Variants in PITPNC1 observed in about 807,000 individuals in gnomAD.
PITPNC1 encodes the protein phosphatidylinositol transfer protein cytoplasmic 1.
Under a neutral mutation model 44.7 loss-of-function variants are expected in PITPNC1, and 18 were observed. That is an observed-to-expected ratio of 0.40 (90% CI 0.28 to 0.60). The LOEUF (loss-of-function observed/expected upper bound fraction) is 0.60, where lower values mean the gene tolerates loss of function less well. PITPNC1 is among the 20% of genes least tolerant of loss of function. The probability of loss-of-function intolerance (pLI) is 0.39; values close to 1 mark genes in which losing one functional copy is unlikely to be tolerated. For synonymous variants in PITPNC1, 141 were observed against 149.6 expected (o/e 0.94, Z 0.42); for missense variants, 290 against 418.4 (o/e 0.69, Z 2.68).
At chr17:67,451,629 C>T (rs1289505085) in intron 1 of PITPNC1, among the ~76,000 whole-genome samples, 1 of 143,428 alleles carries the variant, frequency 7.0e-6, no homozygotes, top group Admixed American at 7.0e-5. Flanking sequence ...TGAGACTGAC[C>T]TTTTTTTTTT....
At chr17:67,549,205 G>GGATTA (rs2040724498) in intron 2 of PITPNC1, among the ~76,000 whole-genome samples, 1 of 152,102 alleles carries the variant, frequency 6.6e-6, no homozygotes, top group Non-Finnish European at 1.5e-5. Context: ...AGTAATCCCA[G>GGATTA]CACTTTAGGA....
intron 1 of PITPNC1, among the ~76,000 whole-genome samples, chr17:67,523,067 C>T (rs562157325): frequency 6.6e-6 from 1 of 152,030 alleles, no homozygotes; most frequent in Non-Finnish European, 1.5e-5. Context: ...GCTTTTTTAC[C>T]ATCCTAAACT....
chr17:67,657,990 T>A (rs2042292628), intron 6 of PITPNC1, among the ~76,000 whole-genome samples: 1 of 152,226 alleles, frequency 6.6e-6, no homozygotes, highest in Non-Finnish European at 1.5e-5. Flanking sequence ...CAGCTGTCAT[T>A]GACTGAAGAA....
intron 4 of PITPNC1, among the ~76,000 whole-genome samples, chr17:67,553,985 C>T (rs2040801288): frequency 6.6e-6 from 1 of 152,278 alleles, no homozygotes; most frequent in Non-Finnish European, 1.5e-5. Context: ...GGGGCTTTTA[C>T]TCATGGACTG....
rs1296700129 is a variant in PITPNC1, at chr17:67,599,020, ATATATATATATATAT to A, written c.366+20765_366+20779del. Among the ~76,000 whole-genome samples, 172 of 39,238 alleles carry A rather than the reference ATATATATATATATAT, an allele frequency of 4.4e-3. 2 individuals carry two copies. Among genetic ancestry groups the A allele is most frequent in the African/African-American group, 0.018 (163 of 8,992 alleles). 25.7% of individuals were successfully genotyped at this position (39,238 alleles called of 152,430 possible). ...GAAATACATATATATATATATATATATATATATATATATATTTTTTTTTTTTTTTTTTTTACCATG... is the reference window on the plus strand; with the variant it reads ...GAAATACATATATATATATATATATATTTTTTTTTTTTTTTTTTTACCATG... On this transcript the variant is annotated intron_variant, in intron 5 of 8. Transcript: ENST00000581322.
chr17:67,592,280 T>C (rs1236778825), intron 5 of PITPNC1, among the ~76,000 whole-genome samples: 1 of 152,158 alleles, frequency 6.6e-6, no homozygotes, highest in Non-Finnish European at 1.5e-5. Context: ...CCATCATCAA[T>C]AGCAACATAA....
chr17:67,402,054 C>T (rs1424126949), intron 1 of PITPNC1, among the ~76,000 whole-genome samples: 2 of 152,170 alleles, frequency 1.3e-5, no homozygotes, highest in Admixed American at 6.5e-5. Context: ...TTCTGCAAAC[C>T]GCCAGATAGC....
intron 1 of PITPNC1, among the ~76,000 whole-genome samples, chr17:67,385,505 C>T (rs1045907083): frequency 1.3e-4 from 19 of 145,014 alleles, no homozygotes; most frequent in Non-Finnish European, 1.7e-4. Flanking sequence ...CCCCCAGGCA[C>T]CTTCCAGGCT....
chr17:67,601,504 A>C (rs1279821019), intron 5 of PITPNC1, among the ~76,000 whole-genome samples: 1 of 152,114 alleles, frequency 6.6e-6, no homozygotes, highest in African/African-American at 2.4e-5. Context: ...TAATCTCAGC[A>C]CTGTGGGAGG....
intron 1 of PITPNC1, among the ~76,000 whole-genome samples, chr17:67,416,103 C>T (rs1450728054): frequency 6.6e-6 from 1 of 151,608 alleles, no homozygotes; most frequent in Non-Finnish European, 1.5e-5. Flanking sequence ...GTCTTACGGA[C>T]CCAGGTACTT....
At chr17:67,419,492 C>T (rs1264738128) in intron 1 of PITPNC1, among the ~76,000 whole-genome samples, 2 of 152,158 alleles carry the variant, frequency 1.3e-5, no homozygotes, top group Non-Finnish European at 1.5e-5. Context: ...GCTGGCCCGT[C>T]TTCCCTACCT....
intron 5 of PITPNC1, among the ~76,000 whole-genome samples, chr17:67,588,689 G>A (rs551943220): frequency 3.3e-5 from 5 of 152,276 alleles, no homozygotes; most frequent in African/African-American, 9.6e-5. Context: ...GGCCAAGGTC[G>A]GGGACAACTG....
At chr17:67,566,112 T>C (rs1355657930) in intron 4 of PITPNC1, among the ~76,000 whole-genome samples, 1 of 152,200 alleles carries the variant, frequency 6.6e-6, no homozygotes, top group African/African-American at 2.4e-5. Flanking sequence ...AGTTTTTTTA[T>C]AGGACCAACA....
intron 8 of PITPNC1, among the ~76,000 whole-genome samples, chr17:67,686,422 T>G (rs1303744223): frequency 1.3e-5 from 2 of 151,906 alleles, no homozygotes; most frequent in Admixed American, 6.6e-5. Context: ...GCCATTTTAT[T>G]TTTAGATCAG....
intron 1 of PITPNC1, among the ~76,000 whole-genome samples, chr17:67,497,511 C>T (rs1377279227): frequency 2.0e-5 from 3 of 146,488 alleles, no homozygotes; most frequent in African/African-American, 7.5e-5. Context: ...ACCTGTGTCT[C>T]CATAAACTTG....
At chr17:67,383,268 T>G (rs2143780692) in intron 1 of PITPNC1, among the ~76,000 whole-genome samples, 1 of 152,320 alleles carries the variant, frequency 6.6e-6, no homozygotes, top group Non-Finnish European at 1.5e-5. Flanking sequence ...TAATGAAGTC[T>G]AGACCTGTAG....
At chr17:67,425,951 GGAGT>G (rs2038759051) in intron 1 of PITPNC1, among the ~76,000 whole-genome samples, 1 of 152,178 alleles carries the variant, frequency 6.6e-6, no homozygotes, top group South Asian at 2.1e-4. Context: ...ATAGGGTCAA[GGAGT>G]GAGTGTGACT....
chr17:67,521,946 C>T (rs958762229), intron 1 of PITPNC1, among the ~76,000 whole-genome samples: 19 of 152,194 alleles, frequency 1.2e-4, no homozygotes, highest in African/African-American at 4.1e-4. Flanking sequence ...ACATTGGGCA[C>T]GCAGTCAGTA....
chr17:67,426,231 C>T (rs2038763250), intron 1 of PITPNC1, among the ~76,000 whole-genome samples: 1 of 152,144 alleles, frequency 6.6e-6, no homozygotes, highest in Non-Finnish European at 1.5e-5. Flanking sequence ...CCAGAAATAC[C>T]ATTTGACCCA....
Sources: gnomAD v4.1 joint callset for allele counts (sites outside exome capture counted in the v4.1 genomes callset) on GRCh38, gnomAD v4.1.1 for gene constraint, MANE v1.5 for transcripts, NCBI Gene and HGNC (gene_info 2026-07-23, HGNC 2026-07-21) for gene names.